The following LRP2 variants were observed in gnomAD, a reference collection of about 807,000 sequenced individuals.
LRP2 encodes low-density lipoprotein receptor-related protein 2.
LRP2 carries 172 observed loss-of-function variants against 531.0 expected under a neutral mutation model. That is an observed-to-expected ratio of 0.32 (90% confidence interval 0.29 to 0.37). The LOEUF is 0.37. Ranked by LOEUF, LRP2 falls within the 10% of genes least tolerant of loss-of-function variation. The pLI is 1.00. For missense variants in LRP2, 5,167 were observed against 5,868.3 expected, an observed-to-expected ratio of 0.88 and a Z score of 3.90; for synonymous variants, 1,992 against 2,027.6, an observed-to-expected ratio of 0.98 and a Z score of 0.47.
At chr2:169,213,985 TAC>T (rs1688687709) in intron 35 of LRP2, 115 bp from the exon 36 acceptor site, 1 of 742,626 alleles carries the variant, frequency 1.3e-6, no homozygotes, top group Non-Finnish European at 2.3e-6. Flanking sequence ...CTCTATCCCT[TAC>T]AGAGATTTTT....
At chr2:169,158,061 T>TATAC (rs71397692) in intron 63 of LRP2, among the ~76,000 whole-genome samples, 2,263 of 141,474 alleles carry the variant, frequency 0.016, 54 homozygotes, top group African/African-American at 0.055. Flanking sequence ...ATTGATTATA[T>TATAC]ACACACACAC....
chr2:169,201,774 C>CATTGTAGT lies in LRP2; in HGVS notation c.8305_8306insACTACAAT (p.Gly2769AspfsTer38). On this transcript the variant is annotated frameshift_variant, in exon 44 of 79. Transcript: ENST00000649046. LOFTEE classifies it high-confidence loss of function. ...GAACAGGCACCCTGCCTCATCACTG[C>CATTGTAGT]CATCACCACAGTCATTGTAGTAATC... 1 of 1,614,196 alleles carries CATTGTAGT rather than the reference C, an allele frequency of 6.2e-7. No homozygotes were observed. The highest frequency in any genetic ancestry group is 8.5e-7 in the Non-Finnish European group (1 of 1,180,044).
intron 19 of LRP2, among the ~76,000 whole-genome samples, chr2:169,255,592 G>A (rs1203558999): frequency 6.6e-6 from 1 of 152,166 alleles, no homozygotes; most frequent in East Asian, 1.9e-4. Context: ...CAAAGACGAT[G>A]TCAGTTCTCC....
intron 57 of LRP2, among the ~76,000 whole-genome samples, 199 bp downstream of exon 57, chr2:169,172,897 C>T (rs555278357): frequency 1.3e-5 from 2 of 152,114 alleles, no homozygotes; most frequent in Non-Finnish European, 2.9e-5. Context: ...ACTTAAAGTG[C>T]TACAAATTAA....
chr2:169,313,130 T>G (rs1299433027), intron 3 of LRP2, among the ~76,000 whole-genome samples: 2 of 152,194 alleles, frequency 1.3e-5, no homozygotes, highest in Non-Finnish European at 2.9e-5. Context: ...ATTTTTAGCT[T>G]CTTTGCGATG....
intron 58 of LRP2, among the ~76,000 whole-genome samples, chr2:169,170,884 T>C (rs1686971993): frequency 6.6e-6 from 1 of 151,362 alleles, no homozygotes; most frequent in Non-Finnish European, 1.5e-5. Context: ...TGTCCAAAGG[T>C]GATCTGATCT....
At position 169,177,811 on chromosome 2, in the gene LRP2, TG is replaced by T; in HGVS notation, c.10384del (p.Gln3462SerfsTer4). On this transcript the variant is annotated frameshift_variant, in exon 53 of 79. Transcript: ENST00000649046. LOFTEE classifies it high-confidence loss of function. ...CTCAATCACCTACTCACCAATGGGC[TG>T]CCTATATGGATGGTACACATGGATG... The part of the protein sequence containing the change: ...FDIHVYHPYR[Q>X]PIVSNPCGTN... 2 of 1,614,206 alleles carry T rather than the reference TG, an allele frequency of 1.2e-6. No homozygotes were observed. Among genetic ancestry groups the T allele is most frequent in the Non-Finnish European group, 1.7e-6 (2 of 1,179,992 alleles).
chr2:169,342,335 T>C (rs568055189), intron 1 of LRP2, among the ~76,000 whole-genome samples: 3 of 151,736 alleles, frequency 2.0e-5, no homozygotes, highest in African/African-American at 4.8e-5. Flanking sequence ...CGGCAACAAA[T>C]AAAAGCTTTC....
chr2:169,178,162 A>C (rs926579204), intron 52 of LRP2, 136 bp from the exon 53 acceptor site: 1 of 700,898 alleles, frequency 1.4e-6, no homozygotes, highest in East Asian at 2.7e-5. Context: ...CAAAACTCCT[A>C]GTCTTTAATT....
At chr2:169,355,633 T>A (rs190981727) in intron 1 of LRP2, among the ~76,000 whole-genome samples, 166 of 152,314 alleles carry the variant, frequency 1.1e-3, no homozygotes, top group African/African-American at 3.7e-3. Context: ...AAACTCTTTT[T>A]CTTTCCCAGT....
At chr2:169,134,432 C>A (rs542226759) in intron 76 of LRP2, among the ~76,000 whole-genome samples, 53 of 152,290 alleles carry the variant, frequency 3.5e-4, no homozygotes, top group South Asian at 1.2e-3. Context: ...CCACACCTGA[C>A]CCCCATGACT....
Position 169,274,921 on chromosome 2 carries a change from C to T in LRP2, c.1975+115G>A, listed in dbSNP as rs1683512389. ...AACACTCTGGGTAACCCTTCATATACTTGAGAATGCCACCCAAATCACATA... is the reference window on the plus strand; with the variant it reads ...AACACTCTGGGTAACCCTTCATATATTTGAGAATGCCACCCAAATCACATA... On this transcript the variant is annotated intron_variant, in intron 14 of 78. Transcript: ENST00000649046. The T allele has an allele frequency of 6.9e-6, 7 of 1,015,478 alleles. No homozygotes were observed. The Admixed American group carries it at 1.3e-4, about 20-fold the overall frequency. 62.9% of individuals were successfully genotyped at this position (1,015,478 alleles called of 1,614,324 possible).
At position 169,246,856 on chromosome 2, in the gene LRP2, G is replaced by A. The variant is rs200245838; in HGVS notation, c.3039C>T (p.Cys1013=). ...GTGGTTCATTGGTTGGGTCCCCCTC[G>A]CATGTCAAGTGATTGGAAGCCAGCC... is the stretch of plus-strand genomic sequence containing the variant. ...GMRLASNHLT[C]EGDPTNEPPT... The change falls in exon 21 of 79, where the codon TGC becomes TGT. Residue 1013 remains cysteine (C), a synonymous_variant. Coordinates refer to ENST00000649046, the MANE Select transcript of LRP2 (RefSeq NM_004525.3). The A allele has an allele frequency of 3.3e-5, 54 of 1,614,040 alleles. No individual in the cohort carries two copies. The Middle Eastern group carries it at 4.9e-4, about 15-fold the overall frequency.
At chr2:169,339,512 T>C (rs550787197) in intron 1 of LRP2, among the ~76,000 whole-genome samples, 2 of 152,292 alleles carry the variant, frequency 1.3e-5, no homozygotes, top group Non-Finnish European at 2.9e-5. Context: ...ACTAGCTGTG[T>C]TTTTAAGACA....
At chr2:169,213,576 G>A in intron 36 of LRP2, 81 bp downstream of exon 36, 1 of 1,089,166 alleles carries the variant, frequency 9.2e-7, no homozygotes, top group Non-Finnish European at 1.4e-6. Flanking sequence ...GAAACTGTGT[G>A]TGGGTGTGTG....
At chr2:169,305,790 T>C (rs1205414479) in intron 4 of LRP2, among the ~76,000 whole-genome samples, 4 of 152,186 alleles carry the variant, frequency 2.6e-5, no homozygotes, top group Admixed American at 6.5e-5. Flanking sequence ...CCCCTAAGAT[T>C]ATAATACCAT....
chr2:169,153,865 T>C (rs1440185192), intron 66 of LRP2, among the ~76,000 whole-genome samples: 1 of 152,224 alleles, frequency 6.6e-6, no homozygotes, highest in Non-Finnish European at 1.5e-5. Context: ...TTCATTCAAC[T>C]AAATTTTTTG....
At chr2:169,255,792 T>C (rs1690280648) in intron 19 of LRP2, among the ~76,000 whole-genome samples, 1 of 152,168 alleles carries the variant, frequency 6.6e-6, no homozygotes, top group South Asian at 2.1e-4. Context: ...AATTTACTGT[T>C]TCCTCACGTG....
chr2:169,209,370 A>G, intron 38 of LRP2, 83 bp downstream of exon 38: 2 of 1,348,880 alleles, frequency 1.5e-6, no homozygotes, highest in Non-Finnish European at 2.1e-6. Flanking sequence ...AACCTGTAGC[A>G]CATGGAGTTA....
Sources: allele counts gnomAD v4.1 joint callset (sites outside exome capture counted in the v4.1 genomes callset), GRCh38; gene constraint gnomAD v4.1.1; transcripts MANE v1.5; gene names NCBI Gene and HGNC (gene_info 2026-07-23, HGNC 2026-07-21).